The following MB21D2 variants were observed in gnomAD, a reference collection of about 807,000 sequenced individuals.
MB21D2 encodes the protein Mab-21 domain containing 2.
A neutral mutation model predicts 33.3 loss-of-function variants in MB21D2; 9 were observed. The ratio of observed to expected loss-of-function variants is 0.27; its 90% CI spans 0.16 to 0.47. The LOEUF is 0.47. Ranked by LOEUF, MB21D2 falls within the 20% of genes least tolerant of loss-of-function variation. The pLI is 0.99. For missense variants in MB21D2, 540 were observed against 624.6 expected (o/e 0.86, Z 1.44); for synonymous variants, 241 against 236.3 (o/e 1.02, Z -0.18).
intron 1 of MB21D2, among the ~76,000 whole-genome samples, chr3:192,850,520 TTGTAC>T (rs1209654386): frequency 6.6e-6 from 1 of 152,186 alleles, no homozygotes; most frequent in African/African-American, 2.4e-5. Context: ...TTAGACTTGC[TTGTAC>T]TTCTCCACAT....
intron 1 of MB21D2, among the ~76,000 whole-genome samples, chr3:192,879,298 A>C (rs1713509134): frequency 6.6e-6 from 1 of 152,226 alleles, no homozygotes; most frequent in Non-Finnish European, 1.5e-5. Context: ...CTTTCCACTG[A>C]TGTCACCAGC....
intron 1 of MB21D2, among the ~76,000 whole-genome samples, chr3:192,864,359 CCT>C (rs1181856301): frequency 5.9e-5 from 9 of 152,150 alleles, no homozygotes; most frequent in Admixed American, 5.9e-4. Context: ...CTCAGACAGT[CCT>C]CTTTTTAATG....
chr3:192,916,745 C>A (rs992302983), intron 1 of MB21D2, among the ~76,000 whole-genome samples: 3 of 152,192 alleles, frequency 2.0e-5, no homozygotes, highest in Admixed American at 6.5e-5. Flanking sequence ...CTTTACACAG[C>A]ATTCAATCAT....
chr3:192,869,876 G>A (rs1021800229), intron 1 of MB21D2, among the ~76,000 whole-genome samples: 2 of 152,128 alleles, frequency 1.3e-5, no homozygotes, highest in Admixed American at 6.5e-5. Flanking sequence ...AGCTAGGAAA[G>A]GTACTCAAAC....
At chr3:192,830,268 GT>G (rs1712286582) in intron 1 of MB21D2, among the ~76,000 whole-genome samples, 2 of 146,554 alleles carry the variant, frequency 1.4e-5, no homozygotes, top group Middle Eastern at 3.5e-3. Context: ...GTGTGTGTGT[GT>G]GGGTGTCAAA....
chr3:192,905,327 CTGCAAAA>C (rs1319299878), intron 1 of MB21D2, among the ~76,000 whole-genome samples: 3 of 152,102 alleles, frequency 2.0e-5, no homozygotes, highest in African/African-American at 7.2e-5. Flanking sequence ...GATCCTGTCT[CTGCAAAA>C]TATTCAAAAA....
At chr3:192,818,992 G>GTT (rs11328954) in intron 1 of MB21D2, among the ~76,000 whole-genome samples, 1 of 150,436 alleles carries the variant, frequency 6.6e-6, no homozygotes. Context: ...CAGGAATTGA[G>GTT]TTTTTTTTTT....
intron 1 of MB21D2, among the ~76,000 whole-genome samples, chr3:192,822,653 T>C (rs563473502): frequency 6.6e-6 from 1 of 152,310 alleles, no homozygotes; most frequent in East Asian, 1.9e-4. Flanking sequence ...ACTGTATCCT[T>C]TACGGCTTTT....
intron 1 of MB21D2, among the ~76,000 whole-genome samples, chr3:192,886,068 C>A (rs545359885): frequency 6.6e-6 from 1 of 152,098 alleles, no homozygotes; most frequent in African/African-American, 2.4e-5. Context: ...TCAAGCAATT[C>A]TCTGCCTCAG....
chr3:192,889,318 G>C lies in MB21D2; in HGVS notation c.211+28312C>G, dbSNP rs553611385. Among the ~76,000 whole-genome samples the C allele has an allele frequency of 1.9e-4, 29 of 152,158 alleles. 1 individual carries two copies. Among genetic ancestry groups the C allele is most frequent in the African/African-American group, 6.5e-4 (27 of 41,434 alleles). ...GGAAAAAATGAACTAAGACACTGAA[G>C]CATGTGAGAACAGACTGGTGAGTAG... is the stretch of plus-strand genomic sequence containing the variant. On this transcript the variant is annotated intron_variant, in intron 1 of 1. Transcript: ENST00000392452.
chr3:192,819,150 G>C (rs530016410), intron 1 of MB21D2, among the ~76,000 whole-genome samples: 1 of 152,126 alleles, frequency 6.6e-6, no homozygotes, highest in Non-Finnish European at 1.5e-5. Context: ...GAGGCCATCC[G>C]GGGGCAAAAG....
intron 1 of MB21D2, among the ~76,000 whole-genome samples, chr3:192,869,344 A>G (rs143290361): frequency 0.1 from 12,465 of 124,794 alleles, 764 homozygotes; most frequent in Non-Finnish European, 0.15. Context: ...GAGGGAAGGG[A>G]GGAAGGGAGG....
chr3:192,860,671 C>T (rs1417359547), intron 1 of MB21D2, among the ~76,000 whole-genome samples: 4 of 152,218 alleles, frequency 2.6e-5, no homozygotes, highest in Non-Finnish European at 2.9e-5. Context: ...GGAGCCAGCT[C>T]TGCCAGCAGA....
At chr3:192,810,262 A>G (rs1051240777) in intron 1 of MB21D2, among the ~76,000 whole-genome samples, 7 of 152,212 alleles carry the variant, frequency 4.6e-5, no homozygotes, top group Non-Finnish European at 7.3e-5. Context: ...TCAAACTGTG[A>G]TAAGAGATAA....
chr3:192,875,388 C>T (rs1045764399), intron 1 of MB21D2, among the ~76,000 whole-genome samples: 7 of 152,050 alleles, frequency 4.6e-5, no homozygotes, highest in Non-Finnish European at 1.0e-4. Flanking sequence ...TGAAAGAAAA[C>T]AGAAAAGAGA....
rs116239208 is a variant in MB21D2 at position 192,888,584 on chromosome 3, C to T, written c.211+29046G>A. ...AGTCTTCCGTCCTCAGAGAAATGCT[C>T]TATTATCTGGTAGACTATGAATGCC... On this transcript the variant is annotated intron_variant, in intron 1 of 1. Coordinates refer to ENST00000392452, the MANE Select transcript of MB21D2 (RefSeq NM_178496.4). 9.3e-3 allele frequency among the ~76,000 whole-genome samples: 1,415 copies of T among 152,162 alleles called. 27 individuals are homozygous for T. Among genetic ancestry groups the T allele is most frequent in the African/African-American group, 0.032 (1,343 of 41,440 alleles).
At chr3:192,894,229 A>T (rs1162232107) in intron 1 of MB21D2, among the ~76,000 whole-genome samples, 1 of 151,794 alleles carries the variant, frequency 6.6e-6, no homozygotes, top group Non-Finnish European at 1.5e-5. Flanking sequence ...CCTAGATACA[A>T]GCGATTCTCC....
chr3:192,863,032 G>A (rs758862121), intron 1 of MB21D2, among the ~76,000 whole-genome samples: 5 of 152,152 alleles, frequency 3.3e-5, no homozygotes, highest in African/African-American at 9.7e-5. Flanking sequence ...CCTGCTGAAG[G>A]TTCCATCTCT....
At chr3:192,902,220 ACT>A (rs1714119384) in intron 1 of MB21D2, among the ~76,000 whole-genome samples, 1 of 151,832 alleles carries the variant, frequency 6.6e-6, no homozygotes, top group Non-Finnish European at 1.5e-5. Flanking sequence ...TATCTTTTCC[ACT>A]CTGCCCACTA....
Sources: allele counts gnomAD v4.1 joint callset (sites outside exome capture counted in the v4.1 genomes callset), GRCh38; gene constraint gnomAD v4.1.1; transcripts MANE v1.5; gene names NCBI Gene and HGNC (gene_info 2026-07-23, HGNC 2026-07-21).